IDUA: variants seen among roughly 807,000 people sequenced by gnomAD.
IDUA encodes alpha-L-iduronidase, also known as iduronidase alpha-L-.
IDUA carries 65 observed loss-of-function variants against 68.9 expected under a neutral mutation model. That is an observed-to-expected ratio of 0.94 (90% CI 0.77 to 1.16). IDUA has a LOEUF of 1.16. Ranked by LOEUF, IDUA falls within the 50% of genes most tolerant of loss-of-function variation. IDUA has a pLI of 0.00. For missense variants in IDUA, 1,046 were observed against 938.0 expected (o/e 1.12, Z -1.50); for synonymous variants, 529 against 433.6 (o/e 1.22, Z -2.73).
intron 2 of IDUA, among the ~76,000 whole-genome samples, chr4:997,539 G>T (rs951689639): frequency 5.9e-5 from 9 of 151,332 alleles, no homozygotes; most frequent in African/African-American, 2.2e-4. Flanking sequence ...GCGGCCGCGC[G>T]GTGAATGAGC....
In IDUA at chr4:1,003,634, G is replaced by A. The variant is rs771420258; in HGVS notation, c.1727+9G>A. 7 of 1,612,092 alleles carry A rather than the reference G, an allele frequency of 4.3e-6. No homozygotes were observed. The highest frequency in any genetic ancestry group is 5.9e-6 in the Non-Finnish European group (7 of 1,179,702). On this transcript the variant is annotated intron_variant, in intron 12 of 13. Coordinates refer to ENST00000514224, the MANE Select transcript of IDUA (RefSeq NM_000203.5). ...GAACACGTGGGCTCCAAGTGCGTGA[G>A]TGGGGCCGCCCCTCCCTCTGCCTGG...
rs1458613899 is a variant in IDUA, at chr4:1,001,562, A to G, written c.588A>G (p.Gln196=). 1 of 1,612,972 alleles carries G rather than the reference A, an allele frequency of 6.2e-7. No homozygotes were observed. The highest frequency in any genetic ancestry group is 8.5e-7 in the Non-Finnish European group (1 of 1,179,876). The change falls in exon 5 of 14, where the codon CAA becomes CAG. Residue 196 remains glutamine, a splice_region_variant and synonymous_variant. Coordinates refer to ENST00000514224, the MANE Select transcript of IDUA (RefSeq NM_000203.5). The part of the protein sequence containing the change: ...HDFDNVSMTM[Q]GFLNYYDACS... Reference sequence around the variant, plus strand: ...TTGACAACGTCTCCATGACCATGCAAGGTGTGCACCGCTTCCTGGGGTCCT... The same window carrying G: ...TTGACAACGTCTCCATGACCATGCAGGGTGTGCACCGCTTCCTGGGGTCCT...
At chr4:999,249 G>C (rs1714938580) in intron 2 of IDUA, among the ~76,000 whole-genome samples, 1 of 151,644 alleles carries the variant, frequency 6.6e-6, no homozygotes, top group Non-Finnish European at 1.5e-5. Context: ...GCACTGCTCA[G>C]CTCAGAACCT....
rs1435745747 is a variant in IDUA, at chr4:1,002,486, G to T, written c.1189+1G>T. ...GCCATGGGGCTGCTGGCGCTGCTGGGTGAGCCGGGGCCGCTGGGGTGGGCC... is the reference window on the plus strand; with the variant it reads ...GCCATGGGGCTGCTGGCGCTGCTGGTTGAGCCGGGGCCGCTGGGGTGGGCC... On this transcript the variant is annotated splice_donor_variant, in intron 8 of 13. Transcript: ENST00000514224. LOFTEE classifies it high-confidence loss of function. 1 of 1,533,390 alleles carries T rather than the reference G, an allele frequency of 6.5e-7. No homozygotes were observed. Among genetic ancestry groups the T allele is most frequent in the Admixed American group, 2.0e-5 (1 of 50,320 alleles). The allele number at this position is 1,533,390 out of a possible 1,614,324, so 95.0% of individuals were successfully genotyped here.
chr4:989,357 A>C (rs1179525160), intron 2 of IDUA: 1 of 1,594,774 alleles, frequency 6.3e-7, no homozygotes, highest in Non-Finnish European at 8.5e-7. Context: ...AGGCCCTCGA[A>C]CTCTGTGGCA....
At chr4:999,136 G>T (rs563691034) in intron 2 of IDUA, among the ~76,000 whole-genome samples, 1 of 151,772 alleles carries the variant, frequency 6.6e-6, no homozygotes, top group African/African-American at 2.4e-5. Flanking sequence ...ACCCGGGAGG[G>T]GGAGCTTGCA....
intron 1 of IDUA, among the ~76,000 whole-genome samples, 154 bp downstream of exon 1, chr4:987,396 C>A (rs1713818208): frequency 6.6e-6 from 1 of 152,134 alleles, no homozygotes. Flanking sequence ...GTGGGTGGGT[C>A]CTCCACCTGA....
chr4:998,539 C>T (rs1714879445), intron 2 of IDUA, among the ~76,000 whole-genome samples: 1 of 152,184 alleles, frequency 6.6e-6, no homozygotes, highest in Non-Finnish European at 1.5e-5. Context: ...AGACCCTGGC[C>T]AGCCTGGTCT....
intron 2 of IDUA, among the ~76,000 whole-genome samples, chr4:999,129 C>T (rs1345961620): frequency 3.3e-5 from 5 of 151,152 alleles, no homozygotes; most frequent in African/African-American, 4.9e-5. Flanking sequence ...GGTGTGAACC[C>T]GGGAGGGGGA....
At chr4:990,309 T>G in intron 2 of IDUA, 1 of 1,605,168 alleles carries the variant, frequency 6.2e-7, no homozygotes, top group Non-Finnish European at 8.5e-7. Flanking sequence ...CATCGAGCAG[T>G]GGCTGTGAGA....
At chr4:987,745 T>C in intron 1 of IDUA, 64 bp from the exon 2 acceptor site, 1 of 1,605,430 alleles carries the variant, frequency 6.2e-7, no homozygotes. Flanking sequence ...CTTGAACGTG[T>C]GTGTCAGCCG....
chr4:1,001,663 T>C lies in IDUA; in HGVS notation c.590-16T>C, dbSNP rs370761538. 152 of 1,603,658 alleles carry C rather than the reference T, an allele frequency of 9.5e-5. No individual in the cohort carries two copies. Among genetic ancestry groups the C allele is most frequent in the Non-Finnish European group, 1.1e-4 (135 of 1,179,024 alleles). ...ATCCCCAGGGCAGGTGTAGACGCAG[T>C]GCTCCCCCGGCCCAGGCTTCCTGAA... is the stretch of plus-strand genomic sequence containing the variant. On this transcript the variant is annotated splice_polypyrimidine_tract_variant and intron_variant, in intron 5 of 13. Transcript: ENST00000514224.
At position 990,456 on chromosome 4, in the gene IDUA, G is replaced by A. The variant is rs1714198026; in HGVS notation, c.299+2507G>A. The A allele has an allele frequency of 3.3e-6, 4 of 1,218,922 alleles. No homozygotes were observed. In the South Asian group the frequency reaches 4.7e-5, roughly 14 times the overall value. The allele number at this position is 1,218,922 out of a possible 1,614,324, so 75.5% of individuals were successfully genotyped here. A position where few individuals can be genotyped will look rare whatever the true frequency, so the allele number is the denominator to read the frequency against. ...CATGGCCCGAGGGGTGGTGGTCACG[G>A]CACAGGACCTGACAATTCTGTGTTG... On this transcript the variant is annotated intron_variant, in intron 2 of 13. Transcript: ENST00000514224.
intron 2 of IDUA, among the ~76,000 whole-genome samples, chr4:994,369 G>T (rs1321658813): frequency 6.6e-6 from 1 of 151,596 alleles, no homozygotes; most frequent in African/African-American, 2.4e-5. Context: ...TCTGCCTCCT[G>T]GGTTCACGCC....
rs200471470 is a variant in IDUA, at chr4:991,551, C to G, written c.299+3602C>G. On this transcript the variant is annotated intron_variant, in intron 2 of 13. Transcript: ENST00000514224. ...GCCAGCGCGTGGCGGGGAGCAGGTCCTGCACCAGCGCCCGGACGCACAGCA... is the reference window on the plus strand; with the variant it reads ...GCCAGCGCGTGGCGGGGAGCAGGTCGTGCACCAGCGCCCGGACGCACAGCA... 3.6e-4 allele frequency: 585 copies of G among 1,605,434 alleles called. 1 individual carries two copies. Among genetic ancestry groups the G allele is most frequent in the South Asian group, 2.9e-3 (263 of 90,664 alleles).
chr4:998,282 C>T (rs1426341469), intron 2 of IDUA, among the ~76,000 whole-genome samples: 2 of 152,192 alleles, frequency 1.3e-5, no homozygotes, highest in African/African-American at 2.4e-5. Context: ...AAGGCTCTGC[C>T]TTGATCTTGT....
In IDUA at chr4:1,003,153, C is replaced by G; in HGVS notation, c.1520C>G (p.Ala507Gly). ...GAGCAGTTCCGGCGCATGCGCGCGG[C>G]TGAGGTAGGTGGGCCGCGGAGGGGC... Reference protein sequence around the residue: ...TAEQFRRMRAAEDPVAAAPRP... With the variant: ...TAEQFRRMRAGEDPVAAAPRP... Residue 507 changes from alanine to glycine, a missense_variant, in exon 10 of 14, where the codon GCT becomes GGT. By Grantham distance (60) the Ala-to-Gly change is moderately conservative (BLOSUM62 0). Coordinates refer to ENST00000514224, the MANE Select transcript of IDUA (RefSeq NM_000203.5). 1.5e-5 allele frequency: 20 copies of G among 1,338,908 alleles called. No homozygotes were observed. The highest frequency in any genetic ancestry group is 1.9e-5 in the Non-Finnish European group (20 of 1,042,422). The allele number at this position is 1,338,908 out of a possible 1,614,324, so 82.9% of individuals were successfully genotyped here.
chr4:989,226 G>C lies in IDUA; in HGVS notation c.299+1277G>C, dbSNP rs36069160. The C allele has an allele frequency of 0.013, 21,472 of 1,611,008 alleles. 175 individuals are homozygous for C. The highest frequency in any genetic ancestry group is 0.016 in the Non-Finnish European group (18,710 of 1,178,684). ...TCTCTGAGCCCCCCTCCTTCCTCCTGGCAGCCATGCACCCTGCGTCCAGCC... is the reference window on the plus strand; with the variant it reads ...TCTCTGAGCCCCCCTCCTTCCTCCTCGCAGCCATGCACCCTGCGTCCAGCC... On this transcript the variant is annotated intron_variant, in intron 2 of 13. Coordinates refer to ENST00000514224, the MANE Select transcript of IDUA (RefSeq NM_000203.5).
Position 1,002,373 on chromosome 4 carries a change from C to G in IDUA, c.1077C>G (p.Pro359=), listed in dbSNP as rs374666235. 1.2e-6 allele frequency: 2 copies of G among 1,612,234 alleles called. No individual in the cohort carries two copies. Among genetic ancestry groups the G allele is most frequent in the Non-Finnish European group, 1.7e-6 (2 of 1,179,438 alleles). Residue 359 remains proline, a synonymous_variant, in exon 8 of 14, where the codon CCC becomes CCG. Transcript: ENST00000514224. ...DNAFLSYHPH[P]FAQRTLTARF... Reference sequence around the variant, plus strand: ...CCTTCCTGAGCTACCACCCGCACCCCTTCGCGCAGCGCACGCTCACCGCGC... The same window carrying G: ...CCTTCCTGAGCTACCACCCGCACCCGTTCGCGCAGCGCACGCTCACCGCGC...
Sources: gnomAD v4.1 joint callset for allele counts (sites outside exome capture counted in the v4.1 genomes callset) on GRCh38, gnomAD v4.1.1 for gene constraint, MANE v1.5 for transcripts, NCBI Gene and HGNC (gene_info 2026-07-23, HGNC 2026-07-21) for gene names.